The following DCC variants were observed in gnomAD, a reference collection of about 807,000 sequenced individuals.
DCC encodes the protein DCC netrin 1 receptor.
Under a neutral mutation model 172.5 loss-of-function variants are expected in DCC, and 58 were observed. The observed-to-expected ratio is 0.34, with a 90% confidence interval of 0.27 to 0.42. The LOEUF (loss-of-function observed/expected upper bound fraction) is 0.42. DCC is among the 10% of genes least tolerant of loss of function. The pLI, the probability that DCC is intolerant of heterozygous loss-of-function variation, is 1.00. For synonymous variants in DCC, 709 were observed against 644.5 expected (o/e 1.10, Z -1.52); for missense variants, 1,740 against 1,791.0 (o/e 0.97, Z 0.51).
chr18:52,929,817 AAC>A (rs34457182), intron 5 of DCC, among the ~76,000 whole-genome samples: 6,793 of 144,712 alleles, frequency 0.047, 167 homozygotes, highest in Middle Eastern at 0.071. Context: ...GGACTTTGCA[AAC>A]ACACACACAC....
At chr18:53,078,057 C>A (rs1449572584) in intron 7 of DCC, among the ~76,000 whole-genome samples, 1 of 152,098 alleles carries the variant, frequency 6.6e-6, no homozygotes, top group Non-Finnish European at 1.5e-5. Flanking sequence ...TCTTAATTAT[C>A]AAATGCAATT....
chr18:52,877,298 A>G (rs777365560), intron 2 of DCC, among the ~76,000 whole-genome samples: 2 of 152,200 alleles, frequency 1.3e-5, no homozygotes, highest in African/African-American at 4.8e-5. Context: ...GTGTCTCCAG[A>G]CATTGGCAGT....
chr18:53,124,807 A>C (rs1269279451), intron 7 of DCC, among the ~76,000 whole-genome samples: 1 of 152,036 alleles, frequency 6.6e-6, no homozygotes, highest in Non-Finnish European at 1.5e-5. Context: ...CTCTACAAAA[A>C]ATACAAAAAT....
At chr18:53,238,867 G>C (rs1845607765) in intron 12 of DCC, among the ~76,000 whole-genome samples, 1 of 152,100 alleles carries the variant, frequency 6.6e-6, no homozygotes, top group Non-Finnish European at 1.5e-5. Flanking sequence ...AAGGAACAAT[G>C]TCTGTTATGT....
At chr18:53,369,190 A>G (rs969581192) in intron 15 of DCC, among the ~76,000 whole-genome samples, 3 of 151,770 alleles carry the variant, frequency 2.0e-5, no homozygotes, top group Non-Finnish European at 3.0e-5. Flanking sequence ...TATTTTTTGT[A>G]CTATTATAAA....
chr18:53,097,035 C>T (rs557806541), intron 7 of DCC, among the ~76,000 whole-genome samples: 19 of 152,240 alleles, frequency 1.2e-4, no homozygotes, highest in African/African-American at 4.6e-4. Flanking sequence ...CTTCACTGTA[C>T]TTGAAGATAA....
At chr18:53,519,166 A>ATAACT (rs1654796603) in intron 27 of DCC, among the ~76,000 whole-genome samples, 1 of 152,154 alleles carries the variant, frequency 6.6e-6, no homozygotes, top group Admixed American at 6.6e-5. Context: ...TTCATAGCTA[A>ATAACT]TAACTTAAAA....
intron 7 of DCC, among the ~76,000 whole-genome samples, chr18:53,108,235 G>A (rs944345737): frequency 5.3e-5 from 8 of 151,702 alleles, no homozygotes; most frequent in Non-Finnish European, 1.2e-4. Context: ...ATTCCTTTGA[G>A]TCAAGAAACA....
intron 15 of DCC, among the ~76,000 whole-genome samples, chr18:53,365,331 C>T (rs975056807): frequency 6.6e-6 from 1 of 151,234 alleles, no homozygotes; most frequent in African/African-American, 2.4e-5. Context: ...CATTGTCGGA[C>T]ATTTGGGTTG....
chr18:53,334,936 T>C (rs968711426), intron 14 of DCC, among the ~76,000 whole-genome samples: 1 of 152,236 alleles, frequency 6.6e-6, no homozygotes, highest in Non-Finnish European at 1.5e-5. Flanking sequence ...CTTTCAATTC[T>C]TTTTGCATTT....
At chr18:53,520,186 T>C (rs1440000306) in intron 27 of DCC, among the ~76,000 whole-genome samples, 1 of 152,116 alleles carries the variant, frequency 6.6e-6, no homozygotes, top group Admixed American at 6.6e-5. Flanking sequence ...GAAAGCTTCA[T>C]GTGGAGGAAC....
intron 5 of DCC, among the ~76,000 whole-genome samples, chr18:52,959,436 T>C (rs1038407512): frequency 1.3e-5 from 2 of 152,204 alleles, no homozygotes; most frequent in African/African-American, 4.8e-5. Context: ...CGCAGGCATA[T>C]ACACTTCTGA....
At chr18:52,862,976 T>A (rs576202723) in intron 2 of DCC, among the ~76,000 whole-genome samples, 12 of 152,284 alleles carry the variant, frequency 7.9e-5, no homozygotes, top group African/African-American at 2.9e-4. Flanking sequence ...ATATTATTAA[T>A]GCTAAGGCTA....
chr18:52,917,610 G>C (rs930425315), intron 3 of DCC, among the ~76,000 whole-genome samples: 2 of 152,160 alleles, frequency 1.3e-5, no homozygotes, highest in African/African-American at 4.8e-5. Context: ...AGAGGAAAGA[G>C]AGAAAGGAAA....
intron 2 of DCC, among the ~76,000 whole-genome samples, chr18:52,822,354 A>G (rs2038422252): frequency 1.3e-5 from 2 of 152,218 alleles, no homozygotes; most frequent in Admixed American, 6.5e-5. Context: ...CCTACTGCTC[A>G]TTCCAAAGGT....
At chr18:52,855,394 C>T (rs7228307) in intron 2 of DCC, among the ~76,000 whole-genome samples, 4,076 of 152,194 alleles carry the variant, frequency 0.027, 163 homozygotes, top group African/African-American at 0.09. Context: ...GTAAACAAAA[C>T]GTCTTAGGTT....
At chr18:52,799,062 A>G (rs941908438) in intron 2 of DCC, among the ~76,000 whole-genome samples, 1 of 152,206 alleles carries the variant, frequency 6.6e-6, no homozygotes, top group African/African-American at 2.4e-5. Flanking sequence ...TGTGTGTTTT[A>G]TTAATGTTTG....
chr18:52,492,007 G>A (rs751003566), intron 1 of DCC, among the ~76,000 whole-genome samples: 2 of 152,082 alleles, frequency 1.3e-5, no homozygotes, highest in Non-Finnish European at 2.9e-5. Flanking sequence ...GGGGAAATCA[G>A]TGATTAGATG....
Position 52,504,738 on chromosome 18 carries a change from A to G in DCC, c.91+163860A>G, listed in dbSNP as rs116794450. On this transcript the variant is annotated intron_variant, in intron 1 of 28. Transcript: ENST00000442544. Reference sequence around the variant, plus strand: ...CTCTCTCCTCCTGCTTCCCCCCTCAACTTCTTCCTATGCTCTACCTTTGTG... The same window carrying G: ...CTCTCTCCTCCTGCTTCCCCCCTCAGCTTCTTCCTATGCTCTACCTTTGTG... 3.1e-3 allele frequency among the ~76,000 whole-genome samples: 477 copies of G among 151,464 alleles called. 3 individuals are homozygous for G. The highest frequency in any genetic ancestry group is 0.011 in the African/African-American group (461 of 41,294).
Sources: allele counts gnomAD v4.1 joint callset (sites outside exome capture counted in the v4.1 genomes callset), GRCh38; gene constraint gnomAD v4.1.1; transcripts MANE v1.5; gene names NCBI Gene and HGNC (gene_info 2026-07-23, HGNC 2026-07-21).